The following GRIA3 variants were observed in gnomAD, a reference collection of about 807,000 sequenced individuals.
The protein encoded by GRIA3 is glutamate receptor 3.
GRIA3 carries 3 observed loss-of-function variants against 63.0 expected under a neutral mutation model. The ratio of observed to expected loss-of-function variants is 0.05; its 90% CI spans 0.02 to 0.12. The LOEUF (loss-of-function observed/expected upper bound fraction) is 0.12, where lower values mean the gene tolerates loss of function less well. Ranked by LOEUF, GRIA3 falls within the 10% of genes least tolerant of loss-of-function variation. GRIA3 has a pLI of 1.00. For synonymous variants in GRIA3, 274 were observed against 257.9 expected, an observed-to-expected ratio of 1.06 and a Z score of -0.60; for missense variants, 347 against 700.9, an observed-to-expected ratio of 0.50 and a Z score of 5.70.
At chrX:123,274,299 G>T (rs183017661) in intron 3 of GRIA3, among the ~76,000 whole-genome samples, 29 of 111,984 alleles carry the variant, frequency 2.6e-4, no homozygotes, top group African/African-American at 7.1e-4. Context: ...GTTCCGCTGC[G>T]CATAACCATC....
rs144432326 is a variant in GRIA3, at chrX:123,392,981, T to A, written c.751-1987T>A. On this transcript the variant is annotated intron_variant, in intron 5 of 15. Coordinates refer to ENST00000620443, the MANE Select transcript of GRIA3 (RefSeq NM_007325.5). ...TACACAAGTGAGGCTCTCTGCTGAATTTATTACAGGGGGAATAAAATGGGA... is the reference window on the plus strand; with the variant it reads ...TACACAAGTGAGGCTCTCTGCTGAAATTATTACAGGGGGAATAAAATGGGA... Among the ~76,000 whole-genome samples, 624 of 112,507 alleles carry A rather than the reference T, an allele frequency of 5.5e-3. 2 individuals are homozygous for A. Among genetic ancestry groups the A allele is most frequent in the African/African-American group, 0.019 (594 of 30,969 alleles).
chrX:123,431,319 G>C (rs1210060109), intron 12 of GRIA3, among the ~76,000 whole-genome samples: 2 of 112,100 alleles, frequency 1.8e-5, no homozygotes, highest in East Asian at 5.6e-4. Context: ...CCATTAAAAT[G>C]ATGGTATTTT....
intron 11 of GRIA3, among the ~76,000 whole-genome samples, chrX:123,427,725 G>C (rs1250886428): frequency 9.0e-6 from 1 of 110,772 alleles, no homozygotes; most frequent in Non-Finnish European, 1.9e-5. Flanking sequence ...GGCCTGACAA[G>C]TATTATGCAT....
rs372981473 is a variant in GRIA3, at chrX:123,277,339, T to C, written c.508+23797T>C. 1.3e-4 allele frequency among the ~76,000 whole-genome samples: 15 copies of C among 111,707 alleles called. 1 individual carries two copies. The South Asian group carries it at 5.7e-3, about 43-fold the overall frequency. Reference sequence around the variant, plus strand: ...TGACTATAGTTGCCCTATTGTGCTATCAAATAGTAGATATTTCAAGTGCCC... The same window carrying C: ...TGACTATAGTTGCCCTATTGTGCTACCAAATAGTAGATATTTCAAGTGCCC... On this transcript the variant is annotated intron_variant, in intron 3 of 15. Transcript: ENST00000620443.
intron 15 of GRIA3, among the ~76,000 whole-genome samples, chrX:123,487,319 C>T (rs1028406645): frequency 8.9e-6 from 1 of 112,816 alleles, no homozygotes; most frequent in African/African-American, 3.2e-5. Context: ...CTGTCCTTTA[C>T]AAGACCTCAA....
At chrX:123,415,816 G>A (rs1057361672) in intron 10 of GRIA3, among the ~76,000 whole-genome samples, 1 of 111,881 alleles carries the variant, frequency 8.9e-6, no homozygotes, top group Non-Finnish European at 1.9e-5. Flanking sequence ...TGTCTGTCTT[G>A]TTCACTGCTT....
intron 4 of GRIA3, among the ~76,000 whole-genome samples, chrX:123,331,306 T>C (rs2044940559): frequency 8.9e-6 from 1 of 112,243 alleles, no homozygotes; most frequent in African/African-American, 3.2e-5. Flanking sequence ...GTAGATTTCA[T>C]TTCAGAAACC....
At chrX:123,321,297 C>T (rs2044866044) in intron 3 of GRIA3, among the ~76,000 whole-genome samples, 1 of 111,725 alleles carries the variant, frequency 9.0e-6, no homozygotes, top group African/African-American at 3.3e-5. Context: ...CAGCCAGGCA[C>T]AAATTGCTAT....
intron 3 of GRIA3, among the ~76,000 whole-genome samples, chrX:123,275,639 C>T (rs1291197186): frequency 8.9e-6 from 1 of 112,165 alleles, no homozygotes; most frequent in African/African-American, 3.2e-5. Context: ...CACCACTGGG[C>T]TCTTGAAAGT....
chrX:123,443,348 TGA>T (rs2045686450), intron 12 of GRIA3, among the ~76,000 whole-genome samples: 1 of 111,965 alleles, frequency 8.9e-6, no homozygotes, highest in Non-Finnish European at 1.9e-5. Context: ...ATTTACTGGG[TGA>T]GTCTTGAGTG....
chrX:123,414,539 G>A (rs1042387891), intron 10 of GRIA3, among the ~76,000 whole-genome samples: 7 of 110,842 alleles, frequency 6.3e-5, no homozygotes, highest in Non-Finnish European at 9.4e-5. Flanking sequence ...CGTCATTTAC[G>A]TTAGGCATTT....
intron 5 of GRIA3, among the ~76,000 whole-genome samples, chrX:123,367,816 C>A (rs932783868): frequency 1.8e-5 from 2 of 111,385 alleles, no homozygotes; most frequent in African/African-American, 3.3e-5. Context: ...AGCATTTAAA[C>A]CCTGAAACAA....
At chrX:123,316,000 A>T (rs2044828293) in intron 3 of GRIA3, among the ~76,000 whole-genome samples, 1 of 73,923 alleles carries the variant, frequency 1.4e-5, no homozygotes, top group Non-Finnish European at 2.7e-5. Flanking sequence ...ACATAGCAAG[A>T]CCCCATCTCT....
Position 123,253,470 on chromosome X carries a change from A to G in GRIA3, c.436A>G (p.Lys146Glu), listed in dbSNP as rs1206751846. ...TGTCATCCAGATGCGCCCAGCCTTGAAGGGCGCTATTCTGAGTCTTCTGGG... is the reference window on the plus strand; with the variant it reads ...TGTCATCCAGATGCGCCCAGCCTTGGAGGGCGCTATTCTGAGTCTTCTGGG... ...QFVIQMRPAL[K>E]GAILSLLGHY... The change falls in exon 3 of 16, where the codon AAG (lysine) becomes GAG (glutamate). Residue 146 changes from lysine to glutamate, a missense_variant. Coordinates refer to ENST00000620443, the MANE Select transcript of GRIA3 (RefSeq NM_007325.5). 2 of 1,205,485 alleles carry G rather than the reference A, an allele frequency of 1.7e-6. No individual in the cohort carries two copies. The highest frequency in any genetic ancestry group is 4.3e-5 in the Admixed American group (2 of 45,992).
chrX:123,415,955 T>C (rs1478315579), intron 10 of GRIA3, among the ~76,000 whole-genome samples: 5 of 111,886 alleles, frequency 4.5e-5, no homozygotes, highest in Non-Finnish European at 7.5e-5. Flanking sequence ...AACCTGCAAG[T>C]ATCTATGGAG....
chrX:123,253,932 A>G lies in GRIA3; in HGVS notation c.508+390A>G, dbSNP rs1194853972. 4.5e-5 allele frequency among the ~76,000 whole-genome samples: 5 copies of G among 111,742 alleles called. No individual in the cohort carries two copies. In the East Asian group the frequency reaches 1.4e-3, roughly 32 times the overall value. On this transcript the variant is annotated intron_variant, in intron 3 of 15. Transcript: ENST00000620443. The stretch of plus-strand genomic sequence containing the variant: ...CCTGTCAGAAACTGTAATTATCCCC[A>G]TTTCATAGATGAGATAGCTAAAGTC...
chrX:123,206,943 G>A (rs1268672346), intron 2 of GRIA3, among the ~76,000 whole-genome samples: 1 of 111,519 alleles, frequency 9.0e-6, no homozygotes, highest in East Asian at 2.8e-4. Context: ...CAAAATCACT[G>A]CTAATTTGCT....
At chrX:123,287,278 T>G (rs777351492) in intron 3 of GRIA3, among the ~76,000 whole-genome samples, 98 of 111,259 alleles carry the variant, frequency 8.8e-4, no homozygotes, top group Middle Eastern at 4.7e-3. Context: ...AATAATAAGA[T>G]CTATTTATGA....
intron 12 of GRIA3, among the ~76,000 whole-genome samples, chrX:123,463,722 A>AGAG (rs2045816990): frequency 1.2e-5 from 1 of 82,066 alleles, no homozygotes; most frequent in Non-Finnish European, 2.4e-5. Context: ...GAAAGAAAGA[A>AGAG]AGAGAAAGAA....
Sources: allele counts gnomAD v4.1 joint callset (sites outside exome capture counted in the v4.1 genomes callset), GRCh38; gene constraint gnomAD v4.1.1; transcripts MANE v1.5; gene names NCBI Gene and HGNC (gene_info 2026-07-23, HGNC 2026-07-21).